The following MSC variants were observed in gnomAD, a reference collection of about 807,000 sequenced individuals.
MSC encodes the protein activated B-cell factor 1, homolog of mouse musculin.
A neutral mutation model predicts 14.4 loss-of-function variants in MSC; 16 were observed. The observed-to-expected ratio is 1.11, with a 90% CI of 0.75 to 1.69. The LOEUF is 1.69. MSC is among the 40% of genes most tolerant of loss of function. The pLI is 0.00. For missense variants in MSC, 320 were observed against 288.1 expected (o/e 1.11, Z -0.80); for synonymous variants, 165 against 128.5 (o/e 1.28, Z -1.92).
chr8:71,843,719 T>C lies in MSC; in HGVS notation c.460A>G (p.Ser154Gly), dbSNP rs1807442689. ...AGCTGCCGCAGGTGAGCGATGTAAC[T>C]GGAAGCCAGCCGGAGCGTGTCCAGC... Reference protein sequence around the residue: ...SKLDTLRLASSYIAHLRQLLQ... With the variant: ...SKLDTLRLASGYIAHLRQLLQ... Residue 154 changes from serine to glycine, a missense_variant, in exon 1 of 2, where the codon AGT (serine) becomes GGT (glycine). By Grantham distance (56) the Ser-to-Gly change is moderately conservative. Coordinates refer to ENST00000325509, the MANE Select transcript of MSC (RefSeq NM_005098.4). The C allele has an allele frequency of 9.9e-6, 16 of 1,614,192 alleles. No homozygotes were observed. Among genetic ancestry groups the C allele is most frequent in the South Asian group, 2.2e-5 (2 of 91,088 alleles).
At chr8:71,843,050 GCACACACACACA>G (rs59293389) in intron 1 of MSC, 4 of 168,662 alleles carry the variant, frequency 2.4e-5, no homozygotes, top group South Asian at 1.4e-4. Flanking sequence ...ACACACACAC[GCACACACACACA>G]CACACACACA....
intron 1 of MSC, chr8:71,843,049 CG>C: frequency 6.9e-6 from 1 of 144,334 alleles, no homozygotes; most frequent in Non-Finnish European, 1.2e-5. Context: ...CACACACACA[CG>C]CACACACACA....
rs1807403180 is a variant in MSC, at chr8:71,842,488, G to GCCAC, written c.*172_*173insGTGG. ...CGGCGCAGCTGTAGCCGTGGGCGCTGTGCAGTGACAGCCACACCCGCCACC... is the reference window on the plus strand; with the variant it reads ...CGGCGCAGCTGTAGCCGTGGGCGCTGCCACTGCAGTGACAGCCACACCCGCCACC... On this transcript the variant is annotated 3_prime_UTR_variant, in exon 2 of 2. Coordinates refer to ENST00000325509, the MANE Select transcript of MSC (RefSeq NM_005098.4). 2.8e-6 allele frequency: 2 copies of GCCAC among 709,106 alleles called. No homozygotes were observed. Among genetic ancestry groups the GCCAC allele is most frequent in the African/African-American group, 3.5e-5 (2 of 57,288 alleles). The allele number at this position is 709,106 out of a possible 1,614,324, so 43.9% of individuals were successfully genotyped here.
At position 71,842,692 on chromosome 8, in the gene MSC, G is replaced by A. The variant is rs1374541766; in HGVS notation, c.590C>T (p.Ala197Val). 6.2e-7 allele frequency: 1 copy of A among 1,614,032 alleles called. No homozygotes were observed. Among genetic ancestry groups the A allele is most frequent in the East Asian group, 2.2e-5 (1 of 44,898 alleles). ...RPDSDTKEVS[A>V]ANRLCGTTA The stretch of plus-strand genomic sequence containing the variant: ...GGTGGTTCCACATAGTCTGTTGGCT[G>A]CGGAAACTTCTTTGGTGTCAGAGTC... Residue 197 changes from alanine to valine, a missense_variant, in exon 2 of 2, where the codon GCA becomes GTA. By Grantham distance (64) the Ala-to-Val change is moderately conservative (BLOSUM62 0). Transcript: ENST00000325509.
chr8:71,842,775 TAGAG>T (rs1807411724), intron 1 of MSC, 28 bp from the exon 2 acceptor site: 4 of 1,604,152 alleles, frequency 2.5e-6, no homozygotes, highest in Non-Finnish European at 2.6e-6. Context: ...CGTGAGATAT[TAGAG>T]AGAAACGATT....
At chr8:71,843,303 G>A in intron 1 of MSC, 2 of 432,630 alleles carry the variant, frequency 4.6e-6, no homozygotes, top group Non-Finnish European at 8.6e-6. Flanking sequence ...GCCCGACTCA[G>A]CTGGATTAAG....
At position 71,842,620 on chromosome 8, in the gene MSC, G is replaced by A. The variant is rs560737829; in HGVS notation, c.*41C>T. On this transcript the variant is annotated 3_prime_UTR_variant, in exon 2 of 2. Coordinates refer to ENST00000325509, the MANE Select transcript of MSC (RefSeq NM_005098.4). ...TTCTCTCCGTGGCCCCCAAACACTC[G>A]CATTTAACGAATAATCCCATCAAGT... 15 of 1,586,356 alleles carry A rather than the reference G, an allele frequency of 9.5e-6. No individual in the cohort carries two copies. The highest frequency in any genetic ancestry group is 6.6e-5 in the South Asian group (6 of 90,514).
chr8:71,842,095 C>G lies in MSC; in HGVS notation c.*566G>C, dbSNP rs1303731971. 6.3e-6 allele frequency: 1 copy of G among 159,528 alleles called. No individual in the cohort carries two copies. The highest frequency in any genetic ancestry group is 2.4e-5 in the African/African-American group (1 of 41,572). The allele number at this position is 159,528 out of a possible 1,614,324, so 9.9% of individuals were successfully genotyped here. Reference sequence around the variant, plus strand: ...TGCGAGCAGCGGCCTTCCTCCCGCCCGTTAGAAGGGCGCTGTGCTGGAGTA... The same window carrying G: ...TGCGAGCAGCGGCCTTCCTCCCGCCGGTTAGAAGGGCGCTGTGCTGGAGTA... On this transcript the variant is annotated 3_prime_UTR_variant, in exon 2 of 2. Coordinates refer to ENST00000325509, the MANE Select transcript of MSC (RefSeq NM_005098.4).
chr8:71,842,667 G>T lies in MSC; in HGVS notation c.615C>A (p.Thr205=). 1 of 1,614,056 alleles carries T rather than the reference G, an allele frequency of 6.2e-7. No individual in the cohort carries two copies. Among genetic ancestry groups the T allele is most frequent in the South Asian group, 1.1e-5 (1 of 91,056 alleles). ...VSAANRLCGT[T]A ...AAGTGAGTTCCAGTCCGATTTAAGC[G>T]GTGGTTCCACATAGTCTGTTGGCTG... The change falls in exon 2 of 2, where the codon ACC becomes ACA. Residue 205 remains threonine (T), a synonymous_variant. Transcript: ENST00000325509.
In MSC at chr8:71,842,438, G is replaced by T. The variant is rs1389133144; in HGVS notation, c.*223C>A. On this transcript the variant is annotated 3_prime_UTR_variant, in exon 2 of 2. Coordinates refer to ENST00000325509, the MANE Select transcript of MSC (RefSeq NM_005098.4). ...GTCACGAAAGGAAGCTCTTTTTGGA[G>T]AGGCAAAACGTGGTCGCCCAGATCC... is the stretch of plus-strand genomic sequence containing the variant. 3 of 565,882 alleles carry T rather than the reference G, an allele frequency of 5.3e-6. No individual in the cohort carries two copies. Among genetic ancestry groups the T allele is most frequent in the African/African-American group, 3.8e-5 (2 of 53,240 alleles). 35.1% of individuals were successfully genotyped at this position (565,882 alleles called of 1,614,324 possible).
rs1393715610 is a variant in MSC, at chr8:71,844,191, C to T, written c.-13G>A. The T allele has an allele frequency of 6.3e-7, 1 of 1,589,468 alleles. No homozygotes were observed. Among genetic ancestry groups the T allele is most frequent in the African/African-American group, 1.3e-5 (1 of 74,124 alleles). On this transcript the variant is annotated 5_prime_UTR_variant, in exon 1 of 2. Coordinates refer to ENST00000325509, the MANE Select transcript of MSC (RefSeq NM_005098.4). ...AGCCCGTGGACATCCCGTTGTCCCCCTTGCCCACACGCGTCCTCTTTCCTC... is the reference window on the plus strand; with the variant it reads ...AGCCCGTGGACATCCCGTTGTCCCCTTTGCCCACACGCGTCCTCTTTCCTC...
Position 71,841,628 on chromosome 8 carries a change from G to T in MSC, c.*1033C>A, listed in dbSNP as rs529403794. 1.3e-5 allele frequency: 2 copies of T among 152,332 alleles called. No homozygotes were observed. The highest frequency in any genetic ancestry group is 2.1e-4 in the South Asian group (1 of 4,828). The allele number at this position is 152,332 out of a possible 1,614,324, so 9.4% of individuals were successfully genotyped here. A position where few individuals can be genotyped will look rare whatever the true frequency, so the allele number is the denominator to read the frequency against. ...TTATTTACATATGTTATTTCCTGTG[G>T]TAGTGCAGCCTCGGGGCAAGGGCGC... On this transcript the variant is annotated 3_prime_UTR_variant, in exon 2 of 2. Coordinates refer to ENST00000325509, the MANE Select transcript of MSC (RefSeq NM_005098.4).
Position 71,844,026 on chromosome 8 carries a change from G to A in MSC, c.153C>T (p.Asp51=). The part of the protein sequence containing the change: ...PSDNSSAEEE[D]PDGEEERCAL... ...CGCAGCGCTCCTCCTCGCCGTCGGG[G>A]TCCTCCTCCTCTGCCGACGAGTTGT... is the stretch of plus-strand genomic sequence containing the variant. The change falls in exon 1 of 2, where the codon GAC becomes GAT. Residue 51 remains aspartate (D), a synonymous_variant. Coordinates refer to ENST00000325509, the MANE Select transcript of MSC (RefSeq NM_005098.4). 1 of 1,581,348 alleles carries A rather than the reference G, an allele frequency of 6.3e-7. No individual in the cohort carries two copies. The highest frequency in any genetic ancestry group is 1.3e-5 in the African/African-American group (1 of 74,128).
In MSC at chr8:71,843,828, A is replaced by G. The variant is rs1320056709; in HGVS notation, c.351T>C (p.Arg117=). ...CTTTGCTCAGCACGCGCATCCGGGC[A>G]CGCTCACGGGCGTTGGCCGCGTTCC... The part of the protein sequence containing the change: ...SQRNAANARE[R]ARMRVLSKAF... Residue 117 remains arginine (R), a synonymous_variant, in exon 1 of 2, where the codon CGT becomes CGC. Transcript: ENST00000325509. 1 of 1,613,272 alleles carries G rather than the reference A, an allele frequency of 6.2e-7. No homozygotes were observed. The highest frequency in any genetic ancestry group is 8.5e-7 in the Non-Finnish European group (1 of 1,179,878).
chr8:71,843,555 C>G (rs1476256581), intron 1 of MSC, 90 bp downstream of exon 1: 1 of 1,571,276 alleles, frequency 6.4e-7, no homozygotes, highest in African/African-American at 1.4e-5. Flanking sequence ...CTTTCGAATT[C>G]TTCCCAACGG....
rs1807402746 is a variant in MSC at position 71,842,480 on chromosome 8, TG to T, written c.*180del. On this transcript the variant is annotated 3_prime_UTR_variant, in exon 2 of 2. Transcript: ENST00000325509. ...CCCAGATCCGGCGCAGCTGTAGCCG[TG>T]GGCGCTGTGCAGTGACAGCCACACC... 2 of 672,924 alleles carry T rather than the reference TG, an allele frequency of 3.0e-6. No individual in the cohort carries two copies. The highest frequency in any genetic ancestry group is 3.6e-5 in the African/African-American group (2 of 56,026). 41.7% of individuals were successfully genotyped at this position (672,924 alleles called of 1,614,324 possible). A position where few individuals can be genotyped will look rare whatever the true frequency, so the allele number is the denominator to read the frequency against.
rs1310247694 is a variant in MSC at position 71,842,341 on chromosome 8, C to T, written c.*320G>A. 3 of 358,188 alleles carry T rather than the reference C, an allele frequency of 8.4e-6. No individual in the cohort carries two copies. Among genetic ancestry groups the T allele is most frequent in the South Asian group, 7.7e-5 (3 of 38,728 alleles). The allele number at this position is 358,188 out of a possible 1,614,324, so 22.2% of individuals were successfully genotyped here. ...GAGAACGGATCCGTGGGCTGTCTGG[C>T]GCGGGCTGGGGCAGCAGCCGAGAGT... On this transcript the variant is annotated 3_prime_UTR_variant, in exon 2 of 2. Transcript: ENST00000325509.
rs1047942182 is a variant in MSC at position 71,844,217 on chromosome 8, C to G, written c.-39G>C. Reference sequence around the variant, plus strand: ...TTGCCCACACGCGTCCTCTTTCCTCCCCCCTGGCCAGTCTCGCTGTCTCCG... The same window carrying G: ...TTGCCCACACGCGTCCTCTTTCCTCGCCCCTGGCCAGTCTCGCTGTCTCCG... On this transcript the variant is annotated 5_prime_UTR_variant, in exon 1 of 2. Transcript: ENST00000325509. 1 of 1,600,694 alleles carries G rather than the reference C, an allele frequency of 6.2e-7. No homozygotes were observed. Among genetic ancestry groups the G allele is most frequent in the Non-Finnish European group, 8.5e-7 (1 of 1,173,556 alleles).
chr8:71,842,465 G>A lies in MSC; in HGVS notation c.*196C>T. 1.6e-6 allele frequency: 1 copy of A among 636,462 alleles called. No homozygotes were observed. The highest frequency in any genetic ancestry group is 2.8e-6 in the Non-Finnish European group (1 of 354,150). The allele number at this position is 636,462 out of a possible 1,614,324, so 39.4% of individuals were successfully genotyped here. A position where few individuals can be genotyped will look rare whatever the true frequency, so the allele number is the denominator to read the frequency against. ...GGCAAAACGTGGTCGCCCAGATCCG[G>A]CGCAGCTGTAGCCGTGGGCGCTGTG... is the stretch of plus-strand genomic sequence containing the variant. On this transcript the variant is annotated 3_prime_UTR_variant, in exon 2 of 2. Transcript: ENST00000325509.
Sources: allele counts gnomAD v4.1 joint callset, GRCh38; gene constraint gnomAD v4.1.1; transcripts MANE v1.5; gene names NCBI Gene and HGNC (gene_info 2026-07-23, HGNC 2026-07-21).